The following SH3PXD2B variants were observed in gnomAD, a reference collection of about 807,000 sequenced individuals.
SH3PXD2B encodes the protein SH3 and PX domains 2B, also known as SH3 and PX domain-containing protein 2B.
Under a neutral mutation model 73.1 loss-of-function variants are expected in SH3PXD2B, and 37 were observed. The ratio of observed to expected loss-of-function variants is 0.51; its 90% confidence interval spans 0.39 to 0.67. The LOEUF (loss-of-function observed/expected upper bound fraction) is 0.67, where lower values mean the gene tolerates loss of function less well. SH3PXD2B is among the 30% of genes least tolerant of loss of function. SH3PXD2B has a pLI of 0.00. For missense variants in SH3PXD2B, 1,053 were observed against 1,197.8 expected (o/e 0.88, Z 1.78); for synonymous variants, 457 against 480.5 (o/e 0.95, Z 0.64).
chr5:172,347,935 G>T (rs906849732), intron 10 of SH3PXD2B, among the ~76,000 whole-genome samples: 1 of 152,184 alleles, frequency 6.6e-6, no homozygotes, highest in Non-Finnish European at 1.5e-5. Context: ...CGAGGCAGCT[G>T]CCCTGGCTCT....
At chr5:172,369,443 C>T (rs1757653090) in intron 6 of SH3PXD2B, among the ~76,000 whole-genome samples, 1 of 151,978 alleles carries the variant, frequency 6.6e-6, no homozygotes, top group Non-Finnish European at 1.5e-5. Context: ...TACTAGGGCT[C>T]AGTAAGTGTC....
intron 12 of SH3PXD2B, among the ~76,000 whole-genome samples, chr5:172,340,597 G>C (rs139056435): frequency 6.6e-6 from 1 of 152,020 alleles, no homozygotes; most frequent in South Asian, 2.1e-4. Flanking sequence ...ACATGAAAGA[G>C]ACCTACCTTT....
chr5:172,421,568 C>G lies in SH3PXD2B; in HGVS notation c.156+848G>C, dbSNP rs147152838. ...CTTCAATACAGAGAGACACACAGAG[C>G]TGTAGGGGCACAGAATGGGTGGCCC... is the stretch of plus-strand genomic sequence containing the variant. On this transcript the variant is annotated intron_variant, in intron 2 of 12. Transcript: ENST00000311601. The surrounding 1 kb of genome is among the most constrained non-coding windows in gnomAD (Gnocchi z 4.0). 6.7e-3 allele frequency among the ~76,000 whole-genome samples: 1,016 copies of G among 152,252 alleles called. 34 individuals carry two copies. Among genetic ancestry groups the G allele is most frequent in the Admixed American group, 0.053 (809 of 15,294 alleles).
chr5:172,358,661 C>T (rs1757332522), intron 8 of SH3PXD2B, 112 bp downstream of exon 8: 1 of 990,764 alleles, frequency 1.0e-6, no homozygotes, highest in South Asian at 1.4e-5. Flanking sequence ...CAGTGAGCTG[C>T]TGAGACGCAG....
chr5:172,359,033 C>T (rs1757343233), intron 7 of SH3PXD2B, among the ~76,000 whole-genome samples, 156 bp from the exon 8 acceptor site: 1 of 152,142 alleles, frequency 6.6e-6, no homozygotes, highest in Admixed American at 6.5e-5. Flanking sequence ...ATGTTACCTG[C>T]TAACTGCTAA....
chr5:172,350,646 C>T, intron 9 of SH3PXD2B, 57 bp from the exon 10 acceptor site: 1 of 1,516,564 alleles, frequency 6.6e-7, no homozygotes, highest in Non-Finnish European at 9.0e-7. Context: ...AGGGAAGAAG[C>T]CTTGCTCCTA....
intron 2 of SH3PXD2B, among the ~76,000 whole-genome samples, chr5:172,409,970 C>T (rs1758655194): frequency 6.6e-6 from 1 of 152,220 alleles, no homozygotes; most frequent in African/African-American, 2.4e-5. Context: ...CCTGCCCCGG[C>T]CTCCCAAAGT....
At chr5:172,361,934 G>A (rs901903970) in intron 7 of SH3PXD2B, among the ~76,000 whole-genome samples, 3 of 152,116 alleles carry the variant, frequency 2.0e-5, no homozygotes, top group Non-Finnish European at 4.4e-5. Context: ...ATTAGCTAAC[G>A]TCACATGTTA....
chr5:172,357,249 C>T (rs796334771), intron 8 of SH3PXD2B, among the ~76,000 whole-genome samples: 2 of 151,746 alleles, frequency 1.3e-5, no homozygotes, highest in South Asian at 2.1e-4. Context: ...CATGGCGAAA[C>T]CCCGTTTCTA....
At chr5:172,452,714 G>A (rs1759824616) in intron 1 of SH3PXD2B, among the ~76,000 whole-genome samples, 1 of 152,218 alleles carries the variant, frequency 6.6e-6, no homozygotes, top group South Asian at 2.1e-4. Context: ...AGGTGGCATG[G>A]AGAATTCCAG....
At chr5:172,419,478 T>C (rs886859686) in intron 2 of SH3PXD2B, among the ~76,000 whole-genome samples, 1 of 152,150 alleles carries the variant, frequency 6.6e-6, no homozygotes, top group African/African-American at 2.4e-5. Context: ...GAAACTCTAG[T>C]GCTTTGACAA....
At chr5:172,422,553 TG>T in intron 1 of SH3PXD2B, 57 bp from the exon 2 acceptor site, 1 of 1,517,600 alleles carries the variant, frequency 6.6e-7, no homozygotes, top group Non-Finnish European at 9.0e-7. Flanking sequence ...TCCCAATCTC[TG>T]GGACCCAGGG....
intron 4 of SH3PXD2B, among the ~76,000 whole-genome samples, chr5:172,383,239 T>C (rs116296413): frequency 6.6e-5 from 10 of 152,322 alleles, no homozygotes; most frequent in South Asian, 2.1e-4. Flanking sequence ...AGTCTCCAAG[T>C]TGATGAGGGG....
chr5:172,336,181 G>T lies in SH3PXD2B; in HGVS notation c.*2188C>A, dbSNP rs1756685586. 3.0e-6 allele frequency: 3 copies of T among 985,598 alleles called. No individual in the cohort carries two copies. In the African/African-American group the frequency reaches 5.2e-5, roughly 17 times the overall value. The allele number at this position is 985,598 out of a possible 1,614,324, so 61.1% of individuals were successfully genotyped here. On this transcript the variant is annotated 3_prime_UTR_variant, in exon 13 of 13. Coordinates refer to ENST00000311601, the MANE Select transcript of SH3PXD2B (RefSeq NM_001017995.3). ...AAGTATCTGAAAGCGTCGCTGAAAG[G>T]CAAAGAGCAAATCAGAAAAAAACAT...
Position 172,366,947 on chromosome 5 carries a change from TTTTTTTG to T in SH3PXD2B, c.428-4085_428-4079del, listed in dbSNP as rs1401017434. On this transcript the variant is annotated intron_variant, in intron 6 of 12. Coordinates refer to ENST00000311601, the MANE Select transcript of SH3PXD2B (RefSeq NM_001017995.3). ...GTGCCCGGCCATTTTTTTTTTTTTTTTTTTTTGGGGACAGAGTCTTGCCCCATCGCCC... is the reference window on the plus strand; with the variant it reads ...GTGCCCGGCCATTTTTTTTTTTTTTTGGGACAGAGTCTTGCCCCATCGCCC... Among the ~76,000 whole-genome samples the T allele has an allele frequency of 2.9e-3, 385 of 130,688 alleles. 8 individuals are homozygous for T. The highest frequency in any genetic ancestry group is 0.013 in the African/African-American group (362 of 28,772). 85.7% of individuals were successfully genotyped at this position (130,688 alleles called of 152,430 possible).
chr5:172,331,032 TAAAAATAC>T (rs375476363), downstream of SH3PXD2B, among the ~76,000 whole-genome samples: 1,316 of 151,924 alleles, frequency 8.7e-3, 16 homozygotes, highest in African/African-American at 0.03. Context: ...CTGTCTCTAC[TAAAAATAC>T]AAAAATTAGC....
At chr5:172,347,056 C>T (rs1005721631) in intron 11 of SH3PXD2B, among the ~76,000 whole-genome samples, 4 of 152,210 alleles carry the variant, frequency 2.6e-5, no homozygotes, top group African/African-American at 9.7e-5. Context: ...TGAGGCCCAA[C>T]TGTCACAGGA....
chr5:172,437,020 G>C (rs1271866189), intron 1 of SH3PXD2B, among the ~76,000 whole-genome samples: 4 of 152,180 alleles, frequency 2.6e-5, no homozygotes, highest in Admixed American at 2.6e-4. Context: ...TTCCCAGGTG[G>C]CAGATCCTGG....
intron 4 of SH3PXD2B, among the ~76,000 whole-genome samples, chr5:172,382,895 A>AT (rs5873322): frequency 0.14 from 20,218 of 143,202 alleles, 1,932 homozygotes; most frequent in African/African-American, 0.27. Context: ...TGCCTGGCTA[A>AT]TTTTTTTTTT....
Sources: gnomAD v4.1 joint callset for allele counts (sites outside exome capture counted in the v4.1 genomes callset) on GRCh38, gnomAD v4.1.1 for gene constraint, Gnocchi (gnomAD v3.1) non-coding constraint, MANE v1.5 for transcripts, NCBI Gene and HGNC (gene_info 2026-07-23, HGNC 2026-07-21) for gene names.